LIMS2: variants seen among roughly 807,000 people sequenced by gnomAD.
LIMS2 encodes the protein LIM and senescent cell antigen-like-containing domain protein 2.
Under a neutral mutation model 45.3 loss-of-function variants are expected in LIMS2, and 30 were observed. The observed-to-expected ratio is 0.66, with a 90% CI of 0.50 to 0.90. LIMS2 has a LOEUF of 0.90. Ranked by LOEUF, LIMS2 falls within the 40% of genes least tolerant of loss-of-function variation. The probability of loss-of-function intolerance (pLI) is 0.00; values close to 1 mark genes in which losing one functional copy is unlikely to be tolerated. For synonymous variants in LIMS2, 173 were observed against 188.0 expected (o/e 0.92, Z 0.65); for missense variants, 485 against 468.7 (o/e 1.03, Z -0.32).
Position 127,641,006 on chromosome 2 carries a change from G to A in LIMS2, c.661-18C>T, listed in dbSNP as rs376092968. On this transcript the variant is annotated intron_variant, in intron 6 of 9. Transcript: ENST00000355119. ...ACAAAGTGCTGCAAGGACAAAGGGC[G>A]GGCCGGGTGGCATCAGGGCTAGAGC... is the stretch of plus-strand genomic sequence containing the variant. 4.0e-5 allele frequency: 64 copies of A among 1,609,248 alleles called. No individual in the cohort carries two copies. Among genetic ancestry groups the A allele is most frequent in the East Asian group, 2.2e-4 (10 of 44,868 alleles).
In LIMS2 at chr2:127,654,937, T is replaced by C. The variant is rs755269694; in HGVS notation, c.172-41A>G. On this transcript the variant is annotated intron_variant, in intron 2 of 9. Coordinates refer to ENST00000355119, the MANE Select transcript of LIMS2 (RefSeq NM_001161403.3). ...AGAGAGAGGACAAGCAAACCACCTA[T>C]CATCCCCATGAGCAGCCCAGGCCCT... is the stretch of plus-strand genomic sequence containing the variant. The C allele has an allele frequency of 3.3e-5, 53 of 1,584,058 alleles. No homozygotes were observed. In the South Asian group the frequency reaches 5.7e-4, roughly 17 times the overall value.
chr2:127,674,914 G>A, intron 1 of LIMS2, 100 bp downstream of exon 1: 1 of 1,220,914 alleles, frequency 8.2e-7, no homozygotes, highest in African/African-American at 1.6e-5. Context: ...GCGGAGCGGG[G>A]ATCGTGGCGC....
rs1683621128 is a variant in LIMS2, at chr2:127,650,463, G to T, written c.359+3961C>A. 3 of 554,358 alleles carry T rather than the reference G, an allele frequency of 5.4e-6. No homozygotes were observed. The Admixed American group carries it at 1.0e-4, about 18-fold the overall frequency. 34.3% of individuals were successfully genotyped at this position (554,358 alleles called of 1,614,324 possible). On this transcript the variant is annotated intron_variant, in intron 4 of 9. Transcript: ENST00000355119. ...CTGAGGAGCCTCAGATCTCCTGGGT[G>T]GCAGGGGTGCAGCTGCATAGCGGCG...
chr2:127,654,965 T>C (rs1172021599), intron 2 of LIMS2, 69 bp from the exon 3 acceptor site: 4 of 1,448,168 alleles, frequency 2.8e-6, no homozygotes, highest in East Asian at 4.8e-5. Context: ...CAGGCCCTTG[T>C]TGGGTCAGGA....
chr2:127,642,155 T>C lies in LIMS2; in HGVS notation c.554A>G (p.Tyr185Cys). 6.3e-7 allele frequency: 1 copy of C among 1,592,446 alleles called. No individual in the cohort carries two copies. The highest frequency in any genetic ancestry group is 8.6e-7 in the Non-Finnish European group (1 of 1,167,978). The change falls in exon 6 of 10, where the codon TAC becomes TGC. Residue 185 changes from tyrosine to cysteine, a missense_variant. By Grantham distance (194) the Tyr-to-Cys change is radical (BLOSUM62 -2). Transcript: ENST00000355119. This position sits in a 1 kb window ranked among gnomAD's most constrained non-coding sequence, Gnocchi z 5.3. The part of the protein sequence containing the change: ...AEARELKGEL[Y>C]CLPCHDKMGV... The stretch of plus-strand genomic sequence containing the variant: ...CATCTTGTCATGGCAGGGCAGGCAG[T>C]AGAGCTCACCCTTCAGCTCGCGGGC...
rs966680336 is a variant in LIMS2, at chr2:127,647,045, G to A, written c.360-3973C>T. ...GGCAGGAAGTGGAGGGCAGTGCCCA[G>A]GCTGAGGCCCCCGGGCTGGAGGCAG... On this transcript the variant is annotated intron_variant, in intron 4 of 9. Coordinates refer to ENST00000355119, the MANE Select transcript of LIMS2 (RefSeq NM_001161403.3). The surrounding 1 kb of genome is among the most constrained non-coding windows in gnomAD (Gnocchi z 4.3). 6.6e-6 allele frequency among the ~76,000 whole-genome samples: 1 copy of A among 152,224 alleles called. No homozygotes were observed. The highest frequency in any genetic ancestry group is 2.4e-5 in the African/African-American group (1 of 41,464).
chr2:127,642,045 T>A lies in LIMS2; in HGVS notation c.660+4A>T. 6.2e-7 allele frequency: 1 copy of A among 1,610,390 alleles called. No individual in the cohort carries two copies. The highest frequency in any genetic ancestry group is 8.5e-7 in the Non-Finnish European group (1 of 1,178,784). ...GAGGCCACGTGTCCACCAGCCTGGC[T>A]CACCTCCACGTGCCACTGCTTGCCC... On this transcript the variant is annotated splice_donor_region_variant and intron_variant, in intron 6 of 9. Transcript: ENST00000355119. This position sits in a 1 kb window ranked among gnomAD's most constrained non-coding sequence, Gnocchi z 5.3.
chr2:127,654,296 C>T (rs1684083704), intron 4 of LIMS2, 128 bp downstream of exon 4: 1 of 1,288,454 alleles, frequency 7.8e-7, no homozygotes, highest in Admixed American at 1.8e-5. Flanking sequence ...AGGGCAGCTA[C>T]ATCAGTGCAG....
rs1007060693 is a variant in LIMS2 at position 127,653,853 on chromosome 2, G to A, written c.359+571C>T. Among the ~76,000 whole-genome samples the A allele has an allele frequency of 2.6e-5, 4 of 152,108 alleles. No individual in the cohort carries two copies. The South Asian group carries it at 6.2e-4, about 24-fold the overall frequency. Reference sequence around the variant, plus strand: ...CCCAGCCCAGTCCTTCAGAAAGGACGAGAGAGTGGCGTGGAGAAGCAAGCC... The same window carrying A: ...CCCAGCCCAGTCCTTCAGAAAGGACAAGAGAGTGGCGTGGAGAAGCAAGCC... On this transcript the variant is annotated intron_variant, in intron 4 of 9. Coordinates refer to ENST00000355119, the MANE Select transcript of LIMS2 (RefSeq NM_001161403.3). This position sits in a 1 kb window ranked among gnomAD's most constrained non-coding sequence, Gnocchi z 5.3.
chr2:127,660,485 A>T (rs551687883), intron 1 of LIMS2, among the ~76,000 whole-genome samples: 1 of 152,276 alleles, frequency 6.6e-6, no homozygotes, highest in Admixed American at 6.5e-5. Flanking sequence ...ACGGGGAGGA[A>T]TCGTTTCGAG....
rs760127852 is a variant in LIMS2, at chr2:127,642,681, C to T, written c.509+242G>A. ...CTGCAGTCTAGGGGTCCAGCCCACC[C>T]GCCTCCTGAGTCTCAAGTGCCCCCC... On this transcript the variant is annotated intron_variant, in intron 5 of 9. Coordinates refer to ENST00000355119, the MANE Select transcript of LIMS2 (RefSeq NM_001161403.3). This position sits in a 1 kb window ranked among gnomAD's most constrained non-coding sequence, Gnocchi z 5.3. 36 of 541,564 alleles carry T rather than the reference C, an allele frequency of 6.6e-5. No homozygotes were observed. Among genetic ancestry groups the T allele is most frequent in the Middle Eastern group, 9.8e-4 (2 of 2,036 alleles). The allele number at this position is 541,564 out of a possible 1,614,324, so 33.5% of individuals were successfully genotyped here. A position where few individuals can be genotyped will look rare whatever the true frequency, so the allele number is the denominator to read the frequency against.
chr2:127,680,367 C>G (rs530442553), upstream of LIMS2, among the ~76,000 whole-genome samples: 1 of 152,238 alleles, frequency 6.6e-6, no homozygotes, highest in Non-Finnish European at 1.5e-5. Flanking sequence ...GTGGGAGGAT[C>G]GCTTGAGCCC....
chr2:127,668,407 AC>A (rs1685114194), intron 1 of LIMS2, among the ~76,000 whole-genome samples: 1 of 151,872 alleles, frequency 6.6e-6, no homozygotes, highest in South Asian at 2.1e-4. Context: ...AGTGGCTCAC[AC>A]CTGTAATCCT....
chr2:127,674,767 T>C, intron 1 of LIMS2: 1 of 985,348 alleles, frequency 1.0e-6, no homozygotes, highest in Non-Finnish European at 1.2e-6. Flanking sequence ...GGCTGTCCCA[T>C]CTTGCAGCGG....
intron 1 of LIMS2, among the ~76,000 whole-genome samples, chr2:127,665,602 G>A (rs1054741566): frequency 6.6e-6 from 1 of 152,236 alleles, no homozygotes; most frequent in African/African-American, 2.4e-5. Context: ...GCATGGAGAA[G>A]CTGAGCCCAG....
In LIMS2 at chr2:127,667,895, T is replaced by C. The variant is rs1685086549; in HGVS notation, c.11+7119A>G. 6.6e-6 allele frequency among the ~76,000 whole-genome samples: 1 copy of C among 152,220 alleles called. No homozygotes were observed. The highest frequency in any genetic ancestry group is 2.4e-5 in the African/African-American group (1 of 41,470). The stretch of plus-strand genomic sequence containing the variant: ...TTTGAGAAGGAAGAGTAAAACTATT[T>C]TTATTTACATATTACATACTCATAT... On this transcript the variant is annotated intron_variant, in intron 1 of 9. Transcript: ENST00000355119. This position sits in a 1 kb window ranked among gnomAD's most constrained non-coding sequence, Gnocchi z 4.1.
At chr2:127,662,253 A>G (rs182941270) in intron 1 of LIMS2, among the ~76,000 whole-genome samples, 63 of 152,270 alleles carry the variant, frequency 4.1e-4, no homozygotes, top group Admixed American at 2.5e-3. Flanking sequence ...GGGAGGGTTC[A>G]GTGAGGCCAT....
chr2:127,639,324 G>T lies in LIMS2; in HGVS notation c.983C>A (p.Ser328Tyr), dbSNP rs749084508. 2 of 1,613,832 alleles carry T rather than the reference G, an allele frequency of 1.2e-6. No homozygotes were observed. Among genetic ancestry groups the T allele is most frequent in the Non-Finnish European group, 1.7e-6 (2 of 1,179,942 alleles). The part of the protein sequence containing the change: ...KRLKKLSELT[S>Y]RKAQPKATDL... ...TGTGGCCTTGGGCTGGGCCTTGCGG[G>T]AGGTCAGCTCCGACAGCTTCTTCAG... Residue 328 changes from serine to tyrosine, a missense_variant, in exon 10 of 10, where the codon TCC becomes TAC. By Grantham distance (144) the Ser-to-Tyr change is moderately radical. Transcript: ENST00000355119.
rs1262764098 is a variant in LIMS2 at position 127,638,562 on chromosome 2, T to A, written c.*719A>T. 2.0e-5 allele frequency: 3 copies of A among 152,576 alleles called. No homozygotes were observed. Among genetic ancestry groups the A allele is most frequent in the African/African-American group, 4.8e-5 (2 of 41,418 alleles). The allele number at this position is 152,576 out of a possible 1,614,324, so 9.5% of individuals were successfully genotyped here. A position where few individuals can be genotyped will look rare whatever the true frequency, so the allele number is the denominator to read the frequency against. ...CCACACCTCCTCTGACGCCATCACC[T>A]CCTCCTGGCCCCACCCAAGGGCTCG... On this transcript the variant is annotated 3_prime_UTR_variant, in exon 10 of 10. Transcript: ENST00000355119.
Sources: allele counts gnomAD v4.1 joint callset (sites outside exome capture counted in the v4.1 genomes callset), GRCh38; gene constraint gnomAD v4.1.1; non-coding constraint Gnocchi (gnomAD v3.1); transcripts MANE v1.5; gene names NCBI Gene and HGNC (gene_info 2026-07-23, HGNC 2026-07-21).